CDKN2B-AS1: variants seen among roughly 807,000 people sequenced by gnomAD.
CDKN2B-AS1 encodes CDKN2B antisense RNA 1 (non-protein coding).
chr9:22,108,416 A>C (rs1452684692), intron 4 of CDKN2B-AS1, among the ~76,000 whole-genome samples: 1 of 152,170 alleles, frequency 6.6e-6, no homozygotes, highest in African/African-American at 2.4e-5. Context: ...GAGATCGGGC[A>C]CGTTCAGGGT....
intron 3 of CDKN2B-AS1, among the ~76,000 whole-genome samples, chr9:22,053,540 A>G (rs1230457858): frequency 3.9e-5 from 6 of 152,192 alleles, no homozygotes; most frequent in African/African-American, 1.4e-4. Context: ...GGCCCTGACT[A>G]TGTGTACCAC....
At chr9:22,034,455 G>A (rs1464440150) in intron 1 of CDKN2B-AS1, among the ~76,000 whole-genome samples, 3 of 152,142 alleles carry the variant, frequency 2.0e-5, no homozygotes, top group Non-Finnish European at 2.9e-5. Context: ...GCCCGAGTTA[G>A]GATTAGGGAA....
intron 1 of CDKN2B-AS1, among the ~76,000 whole-genome samples, chr9:22,025,818 G>T (rs1822211710): frequency 2.6e-5 from 4 of 152,206 alleles, no homozygotes; most frequent in African/African-American, 9.7e-5. Flanking sequence ...TCAGGGACCT[G>T]CTTTCAAAAG....
At chr9:22,086,757 A>G (rs938677239) in intron 4 of CDKN2B-AS1, among the ~76,000 whole-genome samples, 6 of 152,190 alleles carry the variant, frequency 3.9e-5, no homozygotes, top group African/African-American at 1.2e-4. Context: ...TTATCTATCC[A>G]TTTATTTATT....
intron 4 of CDKN2B-AS1, among the ~76,000 whole-genome samples, chr9:22,061,476 G>A (rs1040751343): frequency 1.3e-5 from 2 of 152,040 alleles, no homozygotes; most frequent in Non-Finnish European, 2.9e-5. Context: ...AGTATATATT[G>A]GGCCTATTAG....
At chr9:22,056,247 T>TC (rs1554671374) in intron 3 of CDKN2B-AS1, 5 of 132,728 alleles carry the variant, frequency 3.8e-5, no homozygotes, top group South Asian at 4.6e-4. Context: ...TTTTTTTTTT[T>TC]CCAGTAGAGA....
At chr9:22,127,157 C>G (rs1017419870) in exon 5 of CDKN2B-AS1, among the ~76,000 whole-genome samples, 1 of 152,148 alleles carries the variant, frequency 6.6e-6, no homozygotes, top group African/African-American at 2.4e-5. Context: ...TCTCGGCTCA[C>G]TGCAACCTCT....
chr9:22,100,214 A>AT (rs577067005), intron 4 of CDKN2B-AS1, among the ~76,000 whole-genome samples: 1 of 152,090 alleles, frequency 6.6e-6, no homozygotes, highest in African/African-American at 2.4e-5. Flanking sequence ...GAATTCAGTG[A>AT]TTTTTAGTAG....
intron 4 of CDKN2B-AS1, among the ~76,000 whole-genome samples, chr9:22,084,675 C>T (rs78245303): frequency 0.014 from 2,097 of 152,158 alleles, 39 homozygotes; most frequent in African/African-American, 0.048. Flanking sequence ...AAAATGGGTT[C>T]TTGGTAATCC....
At chr9:22,023,154 C>G (rs1246769781) in intron 1 of CDKN2B-AS1, among the ~76,000 whole-genome samples, 1 of 152,086 alleles carries the variant, frequency 6.6e-6, no homozygotes, top group Non-Finnish European at 1.5e-5. Context: ...ATTTCCTGAA[C>G]TTGAATGTTG....
chr9:22,126,574 C>CTTTTTTTTTTTTTTTTT (rs34700018), intron 4 of CDKN2B-AS1, among the ~76,000 whole-genome samples: 2 of 104,880 alleles, frequency 1.9e-5, no homozygotes, highest in African/African-American at 7.9e-5. Context: ...TAAGTGGATT[C>CTTTTTTTTTTTTTTTTT]TTTTTTTTTT....
At chr9:22,125,045 ATGCACGCACACGTG>A (rs1219452944) in intron 4 of CDKN2B-AS1, among the ~76,000 whole-genome samples, 1 of 152,260 alleles carries the variant, frequency 6.6e-6, no homozygotes, top group Admixed American at 6.5e-5. Flanking sequence ...ATGTACGTGC[ATGCACGCACACGTG>A]TGCACACACA....
rs1422860897 is a variant in CDKN2B-AS1, at chr9:22,007,307, T to C, written n.29+12146T>C. 3.3e-5 allele frequency among the ~76,000 whole-genome samples: 5 copies of C among 152,090 alleles called. No individual in the cohort carries two copies. The East Asian group carries it at 7.7e-4, about 23-fold the overall frequency. ...CATCCTGGAAGAGGTTGCAGTGAGC[T>C]GAGATTGTGCCACTGCACTCCAGCC... is the stretch of plus-strand genomic sequence containing the variant. On this transcript the variant is annotated intron_variant and non_coding_transcript_variant, in intron 1 of 4. Coordinates refer to ENST00000650946, the Ensembl canonical transcript of CDKN2B-AS1.
At chr9:22,049,956 T>G (rs118014114) in intron 3 of CDKN2B-AS1, among the ~76,000 whole-genome samples, 28 of 152,324 alleles carry the variant, frequency 1.8e-4, no homozygotes, top group Non-Finnish European at 3.8e-4. Flanking sequence ...TGGCTAGGAC[T>G]TGCAGAATTA....
intron 4 of CDKN2B-AS1, among the ~76,000 whole-genome samples, chr9:22,079,084 C>T (rs1010477218): frequency 1.3e-5 from 2 of 152,176 alleles, no homozygotes; most frequent in East Asian, 1.9e-4. Context: ...TATTTCATTT[C>T]TATTTTCCTC....
intron 1 of CDKN2B-AS1, among the ~76,000 whole-genome samples, chr9:22,021,790 C>T (rs532120549): frequency 1.3e-5 from 2 of 152,208 alleles, no homozygotes; most frequent in South Asian, 4.1e-4. Context: ...ATTTCTTTCT[C>T]TTCCCTGATT....
chr9:22,101,363 GAT>G (rs1392514960), intron 4 of CDKN2B-AS1, among the ~76,000 whole-genome samples: 1 of 152,076 alleles, frequency 6.6e-6, no homozygotes, highest in Non-Finnish European at 1.5e-5. Flanking sequence ...GCTTTTATAA[GAT>G]ACTCAGTCTG....
chr9:22,097,709 A>G (rs906702822), intron 4 of CDKN2B-AS1, among the ~76,000 whole-genome samples: 11 of 152,212 alleles, frequency 7.2e-5, no homozygotes, highest in Non-Finnish European at 1.5e-4. Flanking sequence ...AAAACATGCC[A>G]TTCATGTGAT....
At chr9:22,059,619 G>A (rs985151061) in intron 4 of CDKN2B-AS1, among the ~76,000 whole-genome samples, 1 of 152,182 alleles carries the variant, frequency 6.6e-6, no homozygotes, top group Non-Finnish European at 1.5e-5. Context: ...TCTGAAGGAC[G>A]ATGGCCCTCT....
Sources: gnomAD v4.1 joint callset for allele counts (sites outside exome capture counted in the v4.1 genomes callset) on GRCh38, gnomAD v4.1.1 for gene constraint, MANE v1.5 for transcripts, NCBI Gene and HGNC (gene_info 2026-07-23, HGNC 2026-07-21) for gene names.